CCSER1: variants seen among roughly 807,000 people sequenced by gnomAD.
The protein encoded by CCSER1 is coiled-coil serine rich protein 1.
In CCSER1, 41 loss-of-function variants were observed where a neutral mutation model predicts 82.0. The observed-to-expected ratio is 0.50, with a 90% CI of 0.39 to 0.65. The LOEUF (loss-of-function observed/expected upper bound fraction) is 0.65, where lower values mean the gene tolerates loss of function less well. Among genes scored for constraint, CCSER1 ranks in the 30% least tolerant of loss-of-function variants. CCSER1 has a pLI of 0.00. For missense variants in CCSER1, 1,119 were observed against 1,064.2 expected, an observed-to-expected ratio of 1.05 and a Z score of -0.72; for synonymous variants, 414 against 383.9, an observed-to-expected ratio of 1.08 and a Z score of -0.92.
intron 7 of CCSER1, among the ~76,000 whole-genome samples, chr4:90,785,985 T>G (rs1754460051): frequency 1.3e-5 from 2 of 152,214 alleles, no homozygotes; most frequent in Non-Finnish European, 2.9e-5. Context: ...TAAAATTGTT[T>G]CCAAACTTTA....
intron 10 of CCSER1, among the ~76,000 whole-genome samples, chr4:91,384,111 T>A (rs1751115402): frequency 6.6e-6 from 1 of 152,130 alleles, no homozygotes. Flanking sequence ...ATAATGGATG[T>A]TTGCCCTAAA....
chr4:90,191,052 C>G (rs1033456956), intron 1 of CCSER1, among the ~76,000 whole-genome samples: 1 of 151,940 alleles, frequency 6.6e-6, no homozygotes, highest in African/African-American at 2.4e-5. Context: ...AGGAACTTTA[C>G]CTTGCCTTAT....
intron 5 of CCSER1, among the ~76,000 whole-genome samples, chr4:90,618,694 A>G (rs987328779): frequency 2.6e-5 from 4 of 151,950 alleles, no homozygotes; most frequent in African/African-American, 7.2e-5. Context: ...GGAAGAAGGT[A>G]GGTAACAAGT....
chr4:91,280,591 C>T (rs1742841582), intron 10 of CCSER1, among the ~76,000 whole-genome samples: 1 of 152,196 alleles, frequency 6.6e-6, no homozygotes, highest in Admixed American at 6.5e-5. Context: ...GCAGTGATTA[C>T]ACTGTGGCTC....
intron 10 of CCSER1, among the ~76,000 whole-genome samples, chr4:91,175,476 C>T (rs1460823996): frequency 2.0e-5 from 3 of 152,172 alleles, no homozygotes; most frequent in Admixed American, 6.5e-5. Flanking sequence ...ACACCCTCTC[C>T]AGCACCTGTT....
At chr4:91,568,211 T>G (rs1204132268) in intron 10 of CCSER1, among the ~76,000 whole-genome samples, 1 of 151,612 alleles carries the variant, frequency 6.6e-6, no homozygotes, top group Non-Finnish European at 1.5e-5. Flanking sequence ...AGCTGAGAGG[T>G]TCGCTGTTAG....
intron 1 of CCSER1, among the ~76,000 whole-genome samples, chr4:90,180,528 G>T (rs954476041): frequency 6.6e-6 from 1 of 151,982 alleles, no homozygotes; most frequent in African/African-American, 2.4e-5. Context: ...AGCAGAGGTT[G>T]TAGTGAGCTA....
intron 10 of CCSER1, among the ~76,000 whole-genome samples, chr4:91,552,553 G>A (rs1317113156): frequency 6.6e-6 from 1 of 151,626 alleles, no homozygotes; most frequent in Admixed American, 6.6e-5. Flanking sequence ...CTCTAAGACA[G>A]TGTATTTGGA....
chr4:90,951,545 T>A (rs1050682313), intron 9 of CCSER1, among the ~76,000 whole-genome samples: 2 of 152,092 alleles, frequency 1.3e-5, no homozygotes, highest in Non-Finnish European at 2.9e-5. Context: ...AATTCTACTA[T>A]TTGCAGTATA....
rs145269741 is a variant in CCSER1 at position 90,467,810 on chromosome 4, G to A, written c.1604-424G>A. Among the ~76,000 whole-genome samples, 356 of 152,300 alleles carry A rather than the reference G, an allele frequency of 2.3e-3. 5 individuals carry two copies. Among genetic ancestry groups the A allele is most frequent in the East Asian group, 8.9e-3 (46 of 5,184 alleles). ...TTCTATAAATGATGATAATGGTTAA[G>A]TTCAGAGGTTCCAGTAGTGTTTGGG... On this transcript the variant is annotated intron_variant, in intron 4 of 10. Coordinates refer to ENST00000509176, the MANE Select transcript of CCSER1 (RefSeq NM_001145065.2).
chr4:91,095,063 G>A (rs1000826343), intron 10 of CCSER1, among the ~76,000 whole-genome samples: 2 of 152,048 alleles, frequency 1.3e-5, no homozygotes, highest in East Asian at 3.9e-4. Flanking sequence ...TTGATAAGAG[G>A]GCCACTGGGG....
chr4:90,568,441 G>C (rs571984018), intron 5 of CCSER1, among the ~76,000 whole-genome samples: 43 of 151,990 alleles, frequency 2.8e-4, no homozygotes, highest in South Asian at 6.2e-4. Flanking sequence ...TACACTTTTT[G>C]ACACATTGTG....
chr4:90,134,230 A>G (rs1197611137), intron 1 of CCSER1, among the ~76,000 whole-genome samples: 1 of 152,208 alleles, frequency 6.6e-6, no homozygotes, highest in Non-Finnish European at 1.5e-5. Context: ...AGTGATAATG[A>G]TGCAAAAATT....
At chr4:91,429,471 C>T (rs868314873) in intron 10 of CCSER1, among the ~76,000 whole-genome samples, 1 of 151,874 alleles carries the variant, frequency 6.6e-6, no homozygotes, top group African/African-American at 2.4e-5. Context: ...CCATTACGTG[C>T]CCAATTCTGT....
intron 10 of CCSER1, among the ~76,000 whole-genome samples, chr4:91,114,557 T>G (rs1726382743): frequency 6.6e-6 from 1 of 152,156 alleles, no homozygotes; most frequent in Non-Finnish European, 1.5e-5. Flanking sequence ...AAGAAAACAC[T>G]GTCAGAAAGA....
At chr4:91,391,097 T>G (rs1366798063) in intron 10 of CCSER1, among the ~76,000 whole-genome samples, 1 of 152,116 alleles carries the variant, frequency 6.6e-6, no homozygotes, top group Non-Finnish European at 1.5e-5. Flanking sequence ...TTTTTTTTAA[T>G]TATGCTTACT....
At chr4:90,463,957 C>T (rs1763300203) in intron 4 of CCSER1, among the ~76,000 whole-genome samples, 1 of 151,806 alleles carries the variant, frequency 6.6e-6, no homozygotes. Context: ...GATAGAAATT[C>T]AGTTATTAAA....
At chr4:91,397,597 T>C (rs1444615010) in intron 10 of CCSER1, among the ~76,000 whole-genome samples, 2 of 152,056 alleles carry the variant, frequency 1.3e-5, no homozygotes, top group African/African-American at 2.4e-5. Flanking sequence ...AAAGAGCAGG[T>C]ATCATGATTA....
chr4:90,661,992 C>CTTTG (rs1560904468), intron 6 of CCSER1, among the ~76,000 whole-genome samples: 2 of 144,530 alleles, frequency 1.4e-5, no homozygotes, highest in African/African-American at 2.5e-5. Flanking sequence ...CTCTTTGTTT[C>CTTTG]TTTCTTTCTT....
Sources: gnomAD v4.1 joint callset for allele counts (sites outside exome capture counted in the v4.1 genomes callset) on GRCh38, gnomAD v4.1.1 for gene constraint, MANE v1.5 for transcripts, NCBI Gene and HGNC (gene_info 2026-07-23, HGNC 2026-07-21) for gene names.